The following CNTNAP2 variants were observed in gnomAD, a reference collection of about 807,000 sequenced individuals.
The protein encoded by CNTNAP2 is contactin associated protein 2, also known as contactin-associated protein-like 2.
In CNTNAP2, 98 loss-of-function variants were observed where a neutral mutation model predicts 155.2. The observed-to-expected ratio is 0.63, with a 90% CI of 0.54 to 0.75. The LOEUF (loss-of-function observed/expected upper bound fraction) is 0.75, where lower values mean the gene tolerates loss of function less well. Ranked by LOEUF, CNTNAP2 falls within the 30% of genes least tolerant of loss-of-function variation. CNTNAP2 has a pLI of 0.00. For synonymous variants in CNTNAP2, 651 were observed against 631.2 expected (o/e 1.03, Z -0.47); for missense variants, 1,727 against 1,688.1 (o/e 1.02, Z -0.40).
In CNTNAP2 at chr7:146,422,132, T is replaced by C. The variant is rs563104733; in HGVS notation, c.97+305159T>C. 2.4e-4 allele frequency among the ~76,000 whole-genome samples: 37 copies of C among 151,100 alleles called. No homozygotes were observed. The South Asian group carries it at 7.7e-3, about 31-fold the overall frequency. On this transcript the variant is annotated intron_variant, in intron 1 of 23. Coordinates refer to ENST00000361727, the MANE Select transcript of CNTNAP2 (RefSeq NM_014141.6). ...TCAATAGCTTTTGGGATACAAATGT[T>C]TTTTTTTACATGCATGAATTATATG... is the stretch of plus-strand genomic sequence containing the variant.
At chr7:146,454,023 C>CA (rs1053302167) in intron 1 of CNTNAP2, among the ~76,000 whole-genome samples, 9 of 150,624 alleles carry the variant, frequency 6.0e-5, no homozygotes, top group Non-Finnish European at 1.0e-4. Context: ...AGAAAATTTT[C>CA]AAAAAAAATA....
At chr7:147,753,452 A>T (rs186691245) in intron 13 of CNTNAP2, among the ~76,000 whole-genome samples, 22 of 152,366 alleles carry the variant, frequency 1.4e-4, no homozygotes, top group African/African-American at 5.0e-4. Context: ...TAAAAATTAT[A>T]CGCAGACTAA....
intron 15 of CNTNAP2, among the ~76,000 whole-genome samples, chr7:148,003,563 A>T (rs1440825590): frequency 6.6e-6 from 1 of 152,182 alleles, no homozygotes; most frequent in Admixed American, 6.5e-5. Flanking sequence ...CGGAGAGGGC[A>T]CCAGAGGTCA....
intron 2 of CNTNAP2, among the ~76,000 whole-genome samples, chr7:146,804,292 ATTTT>A (rs1186873486): frequency 3.3e-5 from 5 of 152,186 alleles, no homozygotes; most frequent in African/African-American, 1.2e-4. Flanking sequence ...ATAGAAATAC[ATTTT>A]TGCTTTAAGC....
At chr7:146,347,903 A>G (rs1794842432) in intron 1 of CNTNAP2, among the ~76,000 whole-genome samples, 1 of 152,100 alleles carries the variant, frequency 6.6e-6, no homozygotes, top group African/African-American at 2.4e-5. Flanking sequence ...CATGCCCACC[A>G]CAGGAAATTC....
intron 12 of CNTNAP2, among the ~76,000 whole-genome samples, chr7:147,582,902 C>A (rs777103966): frequency 1.3e-5 from 2 of 152,036 alleles, no homozygotes; most frequent in Non-Finnish European, 2.9e-5. Context: ...ACTCTAATCC[C>A]CAGAGCCTAT....
At chr7:147,794,450 G>T (rs1375538650) in intron 13 of CNTNAP2, among the ~76,000 whole-genome samples, 1 of 151,876 alleles carries the variant, frequency 6.6e-6, no homozygotes, top group African/African-American at 2.4e-5. Flanking sequence ...TGGTATATTA[G>T]AGTCACCGGT....
At chr7:146,542,398 T>G (rs559916727) in intron 1 of CNTNAP2, among the ~76,000 whole-genome samples, 1 of 151,958 alleles carries the variant, frequency 6.6e-6, no homozygotes, top group Non-Finnish European at 1.5e-5. Context: ...ACCAGCTCAT[T>G]TAGATCTACA....
intron 13 of CNTNAP2, among the ~76,000 whole-genome samples, chr7:147,735,580 T>C (rs1393276640): frequency 6.9e-6 from 1 of 144,898 alleles, no homozygotes; most frequent in Non-Finnish European, 1.6e-5. Context: ...ATATCCTTGA[T>C]AACTTTCTGT....
chr7:147,015,150 A>G (rs1026626591), intron 3 of CNTNAP2, among the ~76,000 whole-genome samples: 1 of 151,562 alleles, frequency 6.6e-6, no homozygotes, highest in Non-Finnish European at 1.5e-5. Context: ...GAAACAAAAG[A>G]TAAATGAATG....
At chr7:147,516,536 G>A (rs142974672) in intron 11 of CNTNAP2, among the ~76,000 whole-genome samples, 67 of 152,080 alleles carry the variant, frequency 4.4e-4, no homozygotes, top group African/African-American at 1.5e-3. Flanking sequence ...GCTGAAGTAC[G>A]TAACCACATT....
intron 15 of CNTNAP2, among the ~76,000 whole-genome samples, chr7:148,108,051 G>C (rs1804261730): frequency 6.6e-6 from 1 of 152,188 alleles, no homozygotes; most frequent in Non-Finnish European, 1.5e-5. Context: ...GACTCTTCTA[G>C]CCACCATCTC....
At chr7:146,149,904 G>T (rs1369348846) in intron 1 of CNTNAP2, among the ~76,000 whole-genome samples, 1 of 137,412 alleles carries the variant, frequency 7.3e-6, no homozygotes, top group African/African-American at 2.7e-5. Flanking sequence ...AAAAAGACCA[G>T]TCAGGCTTCA....
chr7:147,170,314 G>A (rs1242820050), intron 8 of CNTNAP2, among the ~76,000 whole-genome samples: 1 of 152,110 alleles, frequency 6.6e-6, no homozygotes, highest in Non-Finnish European at 1.5e-5. Flanking sequence ...GTATCCTCGC[G>A]TGTGCAGCTG....
At chr7:147,143,584 A>C (rs550735264) in intron 8 of CNTNAP2, among the ~76,000 whole-genome samples, 1 of 152,200 alleles carries the variant, frequency 6.6e-6, no homozygotes, top group African/African-American at 2.4e-5. Context: ...TTTTTAATGT[A>C]CTGATACCAA....
At chr7:147,441,928 A>T (rs2116550253) in intron 10 of CNTNAP2, among the ~76,000 whole-genome samples, 1 of 146,634 alleles carries the variant, frequency 6.8e-6, no homozygotes, top group South Asian at 2.2e-4. Flanking sequence ...GAATGACGTA[A>T]GCACCCCTAT....
intron 1 of CNTNAP2, among the ~76,000 whole-genome samples, chr7:146,275,404 G>C (rs1225768720): frequency 6.6e-6 from 1 of 152,206 alleles, no homozygotes; most frequent in East Asian, 1.9e-4. Flanking sequence ...TTCTTATTCA[G>C]AATGATCAAC....
At chr7:146,968,551 G>A (rs906494164) in intron 3 of CNTNAP2, among the ~76,000 whole-genome samples, 2 of 152,252 alleles carry the variant, frequency 1.3e-5, no homozygotes, top group East Asian at 1.9e-4. Context: ...GGGTGTATGT[G>A]TCGAGGAATT....
chr7:147,867,140 C>T (rs1482404823), intron 13 of CNTNAP2, among the ~76,000 whole-genome samples: 2 of 152,080 alleles, frequency 1.3e-5, no homozygotes, highest in Non-Finnish European at 2.9e-5. Context: ...GTAGGGCAGG[C>T]CTGGTGGTGA....
Sources: allele counts gnomAD v4.1 joint callset (sites outside exome capture counted in the v4.1 genomes callset), GRCh38; gene constraint gnomAD v4.1.1; transcripts MANE v1.5; gene names NCBI Gene and HGNC (gene_info 2026-07-23, HGNC 2026-07-21).